Variants in MID1 observed in about 807,000 individuals in gnomAD.
MID1 encodes midline 1.
A neutral mutation model predicts 40.4 loss-of-function variants in MID1; 7 were observed. The ratio of observed to expected loss-of-function variants is 0.17; its 90% CI spans 0.10 to 0.33. The LOEUF (loss-of-function observed/expected upper bound fraction) is 0.33. MID1 is among the 10% of genes least tolerant of loss of function. The probability of loss-of-function intolerance (pLI) is 1.00; values close to 1 mark genes in which losing one functional copy is unlikely to be tolerated. For synonymous variants in MID1, 229 were observed against 221.2 expected, an observed-to-expected ratio of 1.04 and a Z score of -0.31; for missense variants, 367 against 558.5, an observed-to-expected ratio of 0.66 and a Z score of 3.46.
At chrX:10,758,529 C>A (rs1200857774) in intron 1 of MID1, among the ~76,000 whole-genome samples, 3 of 80,596 alleles carry the variant, frequency 3.7e-5, no homozygotes, top group Admixed American at 3.7e-4. Context: ...CTCGCTCTGT[C>A]GCCCAGGCTG....
chrX:10,829,882 C>T (rs1029094068), intron 1 of MID1, among the ~76,000 whole-genome samples: 3 of 111,738 alleles, frequency 2.7e-5, no homozygotes, highest in Admixed American at 9.5e-5. Context: ...GAAACTTGTA[C>T]GCTAATAATT....
intron 1 of MID1, among the ~76,000 whole-genome samples, chrX:10,702,845 G>A (rs755615816): frequency 8.9e-6 from 1 of 112,134 alleles, no homozygotes; most frequent in African/African-American, 3.2e-5. Flanking sequence ...AGGTCATAAG[G>A]GTGAGGCTCT....
chrX:10,485,104 T>C (rs138759100), intron 4 of MID1, among the ~76,000 whole-genome samples: 7 of 112,461 alleles, frequency 6.2e-5, no homozygotes, highest in Admixed American at 5.6e-4. Context: ...CCACACTCAT[T>C]GGTTACACAT....
At chrX:10,810,681 C>T (rs990765164) in intron 1 of MID1, among the ~76,000 whole-genome samples, 3 of 98,349 alleles carry the variant, frequency 3.1e-5, no homozygotes, top group African/African-American at 1.1e-4. Context: ...TCCTCACCAA[C>T]GCTTGTTGTT....
At chrX:10,673,906 T>A (rs2043005169) in intron 1 of MID1, among the ~76,000 whole-genome samples, 1 of 111,324 alleles carries the variant, frequency 9.0e-6, no homozygotes, top group Non-Finnish European at 1.9e-5. Context: ...CAGTGTCTGG[T>A]ATATGGTGGA....
At chrX:10,617,249 G>A (rs1279353410) in intron 1 of MID1, among the ~76,000 whole-genome samples, 1 of 111,882 alleles carries the variant, frequency 8.9e-6, no homozygotes, top group Non-Finnish European at 1.9e-5. Context: ...TTTGTTCAAT[G>A]AGGATCAAAT....
chrX:10,721,342 C>G (rs1219016561), intron 1 of MID1, among the ~76,000 whole-genome samples: 1 of 110,781 alleles, frequency 9.0e-6, no homozygotes, highest in African/African-American at 3.3e-5. Context: ...TCAACTTTCT[C>G]TAGTGTGAAT....
At chrX:10,645,944 G>A (rs1320156785) in intron 1 of MID1, among the ~76,000 whole-genome samples, 1 of 111,512 alleles carries the variant, frequency 9.0e-6, no homozygotes, top group Non-Finnish European at 1.9e-5. Context: ...CAGAACAGGG[G>A]AGTTCTGAGA....
intron 1 of MID1, among the ~76,000 whole-genome samples, chrX:10,629,464 G>C (rs896450753): frequency 1.8e-5 from 2 of 111,673 alleles, no homozygotes; most frequent in African/African-American, 6.5e-5. Context: ...GCCTCCCAAA[G>C]TGCTGGGATT....
intron 1 of MID1, among the ~76,000 whole-genome samples, chrX:10,639,111 A>G (rs774770338): frequency 1.8e-5 from 2 of 112,459 alleles, no homozygotes; most frequent in Admixed American, 9.4e-5. Flanking sequence ...TTCTCCTCCA[A>G]AGGAACGCAG....
At chrX:10,492,791 G>A (rs1444786945) in intron 4 of MID1, among the ~76,000 whole-genome samples, 1 of 112,239 alleles carries the variant, frequency 8.9e-6, no homozygotes, top group Non-Finnish European at 1.9e-5. Flanking sequence ...CTGGCCTGTG[G>A]AGATGTTTAT....
intron 6 of MID1, 51 bp from the exon 7 acceptor site, chrX:10,469,891 A>G: frequency 8.8e-7 from 1 of 1,132,701 alleles, no homozygotes; most frequent in African/African-American, 1.8e-5. Context: ...CAACTGGGAT[A>G]CCATTTCAGA....
Position 10,448,313 on chromosome X carries a change from A to G in MID1, c.*1055T>C, listed in dbSNP as rs1928126936. On this transcript the variant is annotated 3_prime_UTR_variant, in exon 10 of 10. Transcript: ENST00000317552. ...GTGTTTTTCAGTGACTTATGTTTGG[A>G]TGTGGTAGTGCTGATCAGGGCCATG... 9.0e-6 allele frequency: 1 copy of G among 111,133 alleles called. No individual in the cohort carries two copies. The highest frequency in any genetic ancestry group is 2.8e-4 in the East Asian group (1 of 3,553). The allele number at this position is 111,133 out of a possible 1,213,427, so 9.2% of individuals were successfully genotyped here. A position where few individuals can be genotyped will look rare whatever the true frequency, so the allele number is the denominator to read the frequency against.
intron 8 of MID1, among the ~76,000 whole-genome samples, chrX:10,457,456 C>A (rs755798652): frequency 2.7e-5 from 3 of 112,273 alleles, no homozygotes; most frequent in African/African-American, 9.7e-5. Context: ...AGATTAATAG[C>A]TTACTTTACT....
intron 6 of MID1, among the ~76,000 whole-genome samples, chrX:10,470,731 A>G (rs1929660586): frequency 8.9e-6 from 1 of 112,278 alleles, no homozygotes; most frequent in Admixed American, 9.5e-5. Flanking sequence ...TCTTTAACAC[A>G]TTCTGGAGCA....
intron 1 of MID1, among the ~76,000 whole-genome samples, chrX:10,801,304 CTGTT>C (rs756103946): frequency 1.8e-5 from 2 of 111,931 alleles, no homozygotes; most frequent in Admixed American, 9.5e-5. Context: ...AGAAATGACA[CTGTT>C]TGACAATTTC....
At chrX:10,830,689 C>T (rs772537856) in intron 1 of MID1, among the ~76,000 whole-genome samples, 1 of 112,247 alleles carries the variant, frequency 8.9e-6, no homozygotes, top group Non-Finnish European at 1.9e-5. Flanking sequence ...CCCAGCCAAA[C>T]AAACCCTGAT....
chrX:10,725,507 T>TA (rs907835009), intron 1 of MID1, among the ~76,000 whole-genome samples: 30 of 111,718 alleles, frequency 2.7e-4, no homozygotes, highest in African/African-American at 8.5e-4. Flanking sequence ...ATTAGTAAAT[T>TA]AAAAAAAATC....
At chrX:10,598,777 T>C (rs1281778845) in intron 1 of MID1, among the ~76,000 whole-genome samples, 1 of 111,772 alleles carries the variant, frequency 8.9e-6, no homozygotes, top group African/African-American at 3.3e-5. Context: ...AATTCTTCCC[T>C]AGGGCCTCCA....
Sources: gnomAD v4.1 joint callset for allele counts (sites outside exome capture counted in the v4.1 genomes callset) on GRCh38, gnomAD v4.1.1 for gene constraint, MANE v1.5 for transcripts, NCBI Gene and HGNC (gene_info 2026-07-23, HGNC 2026-07-21) for gene names.